Variants in PCM1 observed in about 807,000 individuals in gnomAD.
PCM1 encodes pericentriolar material 1 protein.
PCM1 carries 157 observed loss-of-function variants against 241.9 expected under a neutral mutation model. The ratio of observed to expected loss-of-function variants is 0.65; its 90% CI spans 0.57 to 0.74. The LOEUF (loss-of-function observed/expected upper bound fraction) is 0.74, where lower values mean the gene tolerates loss of function less well. Among genes scored for constraint, PCM1 ranks in the 30% least tolerant of loss-of-function variants. The pLI, the probability that PCM1 is intolerant of heterozygous loss-of-function variation, is 0.00. For synonymous variants in PCM1, 1,085 were observed against 784.9 expected (o/e 1.38, Z -6.39); for missense variants, 3,478 against 2,360.1 (o/e 1.47, Z -9.81).
At chr8:17,923,850 G>C (rs1203546359) in intron 1 of PCM1, among the ~76,000 whole-genome samples, 2 of 152,144 alleles carry the variant, frequency 1.3e-5, no homozygotes, top group Non-Finnish European at 2.9e-5. Context: ...AACCGGGAAA[G>C]ACTAAATGCC....
At chr8:17,936,624 C>G (rs1036914302) in intron 3 of PCM1, among the ~76,000 whole-genome samples, 2 of 152,040 alleles carry the variant, frequency 1.3e-5, no homozygotes, top group African/African-American at 2.4e-5. Context: ...GAAGGTGACA[C>G]TATTTTAGAG....
chr8:17,938,928 T>A lies in PCM1; in HGVS notation c.531T>A (p.Ser177=). The A allele has an allele frequency of 6.2e-7, 1 of 1,613,784 alleles. No individual in the cohort carries two copies. The highest frequency in any genetic ancestry group is 8.5e-7 in the Non-Finnish European group (1 of 1,179,686). ...CACAGTGTAAAGAGTTGTTTGCTTC[T>A]GCTTTAAGTAATGACCTCTTGCAAA... ...GSAQCKELFA[S]ALSNDLLQNC... is the part of the protein sequence containing the mutation. Residue 177 remains serine, a synonymous_variant, in exon 5 of 39, where the codon TCT becomes TCA. Transcript: ENST00000325083.
chr8:17,989,719 G>T, intron 26 of PCM1, 140 bp from the exon 27 acceptor site: 1 of 595,876 alleles, frequency 1.7e-6, no homozygotes. Context: ...TTATCATCTT[G>T]TTTGGACAGA....
intron 7 of PCM1, among the ~76,000 whole-genome samples, chr8:17,949,003 G>A (rs1054383725): frequency 1.4e-4 from 22 of 152,278 alleles, no homozygotes; most frequent in Admixed American, 1.2e-3. Flanking sequence ...AATTTTAGCA[G>A]AATTACATTT....
rs753784049 is a variant in PCM1, at chr8:17,939,653, C to G, written c.613-38C>G. 5 of 1,311,040 alleles carry G rather than the reference C, an allele frequency of 3.8e-6. No homozygotes were observed. The South Asian group carries it at 7.8e-5, about 20-fold the overall frequency. The allele number at this position is 1,311,040 out of a possible 1,614,324, so 81.2% of individuals were successfully genotyped here. On this transcript the variant is annotated intron_variant, in intron 5 of 38. Transcript: ENST00000325083. ...TATCCTTAGTTTTATATATTGTGTA[C>G]TTTCATGCTTTTTTTAAAAAAAATA...
At chr8:18,021,902 G>A (rs2093784953) in intron 36 of PCM1, among the ~76,000 whole-genome samples, 1 of 152,162 alleles carries the variant, frequency 6.6e-6, no homozygotes, top group South Asian at 2.1e-4. Context: ...AATACTCTAA[G>A]ACCTTAATGG....
intron 8 of PCM1, 63 bp from the exon 9 acceptor site, chr8:17,952,907 A>T: frequency 2.0e-6 from 2 of 977,578 alleles, no homozygotes; most frequent in Non-Finnish European, 3.0e-6. Flanking sequence ...GCATTTAAAA[A>T]ATGAGAATGC....
In PCM1 at chr8:17,960,074, C is replaced by G. The variant is rs1396526343; in HGVS notation, c.2101C>G (p.Pro701Ala). ...ASASNLDDFY[P>A]AEEDTKQNSN... ...TGCATCAAATTTGGATGATTTCTAC[C>G]CAGCAGAAGAAGACACCAAGCAAAA... Residue 701 changes from proline (P) to alanine (A), a missense_variant, in exon 14 of 39, where the codon CCA becomes GCA. Transcript: ENST00000325083. 6.2e-7 allele frequency: 1 copy of G among 1,611,114 alleles called. No homozygotes were observed. Among genetic ancestry groups the G allele is most frequent in the East Asian group, 2.2e-5 (1 of 44,806 alleles).
chr8:17,991,226 A>T (rs1054456034), intron 27 of PCM1, among the ~76,000 whole-genome samples: 1 of 152,180 alleles, frequency 6.6e-6, no homozygotes, highest in Non-Finnish European at 1.5e-5. Context: ...AAACAACAAA[A>T]TGAAATAAAT....
At chr8:17,965,269 G>A (rs1235093785) in intron 18 of PCM1, among the ~76,000 whole-genome samples, 1 of 152,080 alleles carries the variant, frequency 6.6e-6, no homozygotes, top group Non-Finnish European at 1.5e-5. Context: ...TTCTGTTTAC[G>A]GTTTTTTAGG....
chr8:17,954,153 T>TGTG (rs1374400359), intron 9 of PCM1, among the ~76,000 whole-genome samples: 1 of 151,950 alleles, frequency 6.6e-6, no homozygotes, highest in Non-Finnish European at 1.5e-5. Flanking sequence ...TGTGGCTGGG[T>TGTG]GTGGTGGCTC....
intron 36 of PCM1, among the ~76,000 whole-genome samples, chr8:18,019,335 G>A (rs1186075124): frequency 2.6e-5 from 4 of 152,190 alleles, no homozygotes; most frequent in African/African-American, 9.7e-5. Context: ...GCTGTCCTCA[G>A]CCTTTTTGGC....
intron 8 of PCM1, 32 bp from the exon 9 acceptor site, chr8:17,952,938 A>G (rs1211994948): frequency 3.0e-6 from 4 of 1,347,018 alleles, no homozygotes; most frequent in Non-Finnish European, 4.1e-6. Context: ...GTTAGTCTTA[A>G]TTCTTCTTTT....
At chr8:18,007,208 C>A (rs567932292) in intron 30 of PCM1, among the ~76,000 whole-genome samples, 2 of 152,102 alleles carry the variant, frequency 1.3e-5, no homozygotes, top group Non-Finnish European at 2.9e-5. Flanking sequence ...TTCTTCTCAT[C>A]TTTATTACAG....
chr8:17,991,767 T>G (rs956234644), intron 28 of PCM1, 67 bp downstream of exon 28: 2 of 1,164,676 alleles, frequency 1.7e-6, no homozygotes, highest in East Asian at 2.6e-5. Flanking sequence ...AATAAGTTCT[T>G]TAGTGGTGAT....
chr8:17,991,849 C>T, intron 28 of PCM1, 149 bp downstream of exon 28: 2 of 513,698 alleles, frequency 3.9e-6, no homozygotes, highest in African/African-American at 1.9e-5. Context: ...TGATCCCTCA[C>T]CCCCTTCCCA....
At chr8:17,958,394 T>C (rs1293351689) in intron 13 of PCM1, among the ~76,000 whole-genome samples, 2 of 152,194 alleles carry the variant, frequency 1.3e-5, no homozygotes, top group African/African-American at 4.8e-5. Context: ...ATACATATTT[T>C]GTATTATAGT....
intron 1 of PCM1, among the ~76,000 whole-genome samples, chr8:17,923,421 TGATTGCAG>T (rs1490224836): frequency 6.6e-6 from 1 of 152,106 alleles, no homozygotes; most frequent in African/African-American, 2.4e-5. Context: ...GACGCGTTGG[TGATTGCAG>T]GACTCCCTTC....
Position 18,009,776 on chromosome 8 carries a change from A to G in PCM1, c.5160+32A>G, listed in dbSNP as rs1281502739. 4.0e-6 allele frequency: 5 copies of G among 1,247,878 alleles called. No homozygotes were observed. In the East Asian group the frequency reaches 1.0e-4, roughly 26 times the overall value. 77.3% of individuals were successfully genotyped at this position (1,247,878 alleles called of 1,614,324 possible). On this transcript the variant is annotated intron_variant, in intron 31 of 38. Coordinates refer to ENST00000325083, the MANE Select transcript of PCM1 (RefSeq NM_006197.4). The stretch of plus-strand genomic sequence containing the variant: ...AACGTTCATTTTGATTTTTAGGATA[A>G]TTGACACATAAATACAGTTCTTGAT...
Sources: gnomAD v4.1 joint callset for allele counts (sites outside exome capture counted in the v4.1 genomes callset) on GRCh38, gnomAD v4.1.1 for gene constraint, MANE v1.5 for transcripts, NCBI Gene and HGNC (gene_info 2026-07-23, HGNC 2026-07-21) for gene names.